Variants in CDH3 observed in about 807,000 individuals in gnomAD.
CDH3 encodes the protein cadherin 3.
A neutral mutation model predicts 82.0 loss-of-function variants in CDH3; 54 were observed. The observed-to-expected ratio is 0.66, with a 90% CI of 0.53 to 0.83. The LOEUF (loss-of-function observed/expected upper bound fraction) is 0.83, where lower values mean the gene tolerates loss of function less well. Among genes scored for constraint, CDH3 ranks in the 40% least tolerant of loss-of-function variants. CDH3 has a pLI of 0.00. For missense variants in CDH3, 1,054 were observed against 1,084.6 expected (o/e 0.97, Z 0.40); for synonymous variants, 446 against 437.9 (o/e 1.02, Z -0.23).
At chr16:68,671,012 G>A (rs1436625850) in intron 2 of CDH3, among the ~76,000 whole-genome samples, 1 of 152,156 alleles carries the variant, frequency 6.6e-6, no homozygotes, top group Non-Finnish European at 1.5e-5. Context: ...GGTGGAGGTT[G>A]CAGTAAGCTG....
At chr16:68,673,512 A>G (rs890038642) in intron 2 of CDH3, among the ~76,000 whole-genome samples, 3 of 149,692 alleles carry the variant, frequency 2.0e-5, no homozygotes, top group African/African-American at 7.4e-5. Flanking sequence ...TTGCTGGAGT[A>G]CAGTGGCGCA....
intron 1 of CDH3, among the ~76,000 whole-genome samples, chr16:68,715,109 C>T (rs997191207): frequency 2.0e-5 from 3 of 151,958 alleles, no homozygotes; most frequent in Admixed American, 1.3e-4. Context: ...TTGCCCAATG[C>T]CACACACCCA....
chr16:68,678,478 C>G (rs775023076), intron 4 of CDH3, 23 bp from the exon 5 acceptor site: 11 of 1,614,022 alleles, frequency 6.8e-6, no homozygotes, highest in Non-Finnish European at 2.5e-6. Context: ...ACTTTGTCAG[C>G]TGCCATTTTC....
At chr16:68,667,101 A>G (rs960787033) in intron 2 of CDH3, among the ~76,000 whole-genome samples, 1 of 152,166 alleles carries the variant, frequency 6.6e-6, no homozygotes, top group Non-Finnish European at 1.5e-5. Context: ...GTGACACAGC[A>G]CTTGCCCTTT....
intron 2 of CDH3, among the ~76,000 whole-genome samples, chr16:68,675,604 G>A (rs1382092701): frequency 6.6e-6 from 1 of 152,030 alleles, no homozygotes; most frequent in East Asian, 1.9e-4. Flanking sequence ...AGACCAGCCT[G>A]GCCAACATGG....
intron 8 of CDH3, 107 bp from the exon 9 acceptor site, chr16:68,682,195 A>C: frequency 1.6e-6 from 2 of 1,277,304 alleles, no homozygotes; most frequent in Non-Finnish European, 2.2e-6. Context: ...TGGTCCAGGA[A>C]AGGGTAAAGG....
chr16:68,715,370 T>C (rs1368108144), intron 1 of CDH3, among the ~76,000 whole-genome samples: 1 of 148,662 alleles, frequency 6.7e-6, no homozygotes, highest in Non-Finnish European at 1.5e-5. Context: ...GAGGTTGCAG[T>C]GAGCCAAGAT....
chr16:68,678,864 C>G lies in CDH3; in HGVS notation c.649C>G (p.Gln217Glu). The G allele has an allele frequency of 1.2e-6, 2 of 1,614,086 alleles. No individual in the cohort carries two copies. Among genetic ancestry groups the G allele is most frequent in the Non-Finnish European group, 1.7e-6 (2 of 1,180,032 alleles). ...DQNDHKPKFT[Q>E]DTFRGSVLEG... is the part of the protein sequence containing the mutation. ...GAATGACCACAAGCCCAAGTTTACC[C>G]AGGACACCTTCCGAGGGAGTGTCTT... Residue 217 changes from glutamine (Q) to glutamate (E), a missense_variant, in exon 6 of 16, where the codon CAG (glutamine) becomes GAG (glutamate). Physicochemically the swap from Gln to Glu is conservative, Grantham distance 29. Transcript: ENST00000264012.
rs1030200780 is a variant in CDH3, at chr16:68,687,651, G to A, written c.1710G>A (p.Lys570=). 6.2e-7 allele frequency: 1 copy of A among 1,613,966 alleles called. No individual in the cohort carries two copies. The highest frequency in any genetic ancestry group is 1.3e-5 in the African/African-American group (1 of 74,920). Residue 570 remains lysine, a synonymous_variant, in exon 12 of 16, where the codon AAG becomes AAA. Transcript: ENST00000264012. ...PVRQVLNITD[K]DLSPHTSPFQ... ...GCCAGGTGCTGAACATCACGGACAA[G>A]GACCTGTCTCCCCACACCTCCCCTT...
intron 2 of CDH3, among the ~76,000 whole-genome samples, chr16:68,650,806 C>T (rs1167171010): frequency 2.0e-5 from 3 of 152,122 alleles, no homozygotes; most frequent in Non-Finnish European, 2.9e-5. Flanking sequence ...CGGGATACAG[C>T]CTTAACCCCT....
At chr16:68,732,301 C>T (rs1962301071), downstream of CDH3, among the ~76,000 whole-genome samples, 1 of 152,198 alleles carries the variant, frequency 6.6e-6, no homozygotes, top group South Asian at 2.1e-4. Flanking sequence ...GGCGGTTGGA[C>T]TCTTCTCAGC....
At chr16:68,719,502 C>CTTTTTTTT (rs71148939) in intron 1 of CDH3, among the ~76,000 whole-genome samples, 9 of 74,500 alleles carry the variant, frequency 1.2e-4, no homozygotes, top group Non-Finnish European at 1.9e-4. Context: ...TGGAACTGTT[C>CTTTTTTTT]TTTTTTTTTT....
At chr16:68,646,222 C>T (rs932554418) in intron 2 of CDH3, 28 of 172,984 alleles carry the variant, frequency 1.6e-4, no homozygotes, top group Non-Finnish European at 3.1e-4. Context: ...TCCGAGCTTC[C>T]CTACCCCGCC....
chr16:68,689,597 G>A (rs759275197), intron 12 of CDH3, among the ~76,000 whole-genome samples: 2 of 151,432 alleles, frequency 1.3e-5, no homozygotes, highest in African/African-American at 2.4e-5. Flanking sequence ...CACTGCCATC[G>A]TCATCAACAA....
At chr16:68,678,728 C>T in intron 5 of CDH3, 34 bp from the exon 6 acceptor site, 2 of 1,614,138 alleles carry the variant, frequency 1.2e-6, no homozygotes, top group South Asian at 2.2e-5. Context: ...AGGTGGGTGG[C>T]ACCGGGCTGA....
intron 1 of CDH3, among the ~76,000 whole-genome samples, chr16:68,721,887 C>G (rs564955338): frequency 1.3e-5 from 2 of 152,032 alleles, no homozygotes; most frequent in Admixed American, 1.3e-4. Flanking sequence ...GTCAGGAGTT[C>G]GAGACCAGCC....
At chr16:68,687,388 A>C in intron 11 of CDH3, 124 bp from the exon 12 acceptor site, 1 of 718,160 alleles carries the variant, frequency 1.4e-6, no homozygotes, top group South Asian at 1.5e-5. Context: ...TGTATGTGCC[A>C]TGTATTGGAA....
chr16:68,712,761 A>G (rs570946296), intron 1 of CDH3, among the ~76,000 whole-genome samples: 14 of 151,876 alleles, frequency 9.2e-5, no homozygotes, highest in Admixed American at 2.0e-4. Flanking sequence ...GGCTCACTGC[A>G]ACCTCCGCCT....
chr16:68,679,419 C>T (rs951234702), intron 6 of CDH3, among the ~76,000 whole-genome samples: 1 of 152,138 alleles, frequency 6.6e-6, no homozygotes, highest in Non-Finnish European at 1.5e-5. Context: ...GGAGGCTGGG[C>T]GCGGTGGCCC....
Sources: gnomAD v4.1 joint callset for allele counts (sites outside exome capture counted in the v4.1 genomes callset) on GRCh38, gnomAD v4.1.1 for gene constraint, MANE v1.5 for transcripts, NCBI Gene and HGNC (gene_info 2026-07-23, HGNC 2026-07-21) for gene names.